The following PTPN11 variants were observed in gnomAD, a reference collection of about 807,000 sequenced individuals.
PTPN11 encodes the protein tyrosine-protein phosphatase non-receptor type 11.
A neutral mutation model predicts 78.8 loss-of-function variants in PTPN11; 6 were observed. That is an observed-to-expected ratio of 0.08 (90% CI 0.04 to 0.15). The LOEUF (loss-of-function observed/expected upper bound fraction) is 0.15. PTPN11 is among the 10% of genes least tolerant of loss of function. The pLI is 1.00. For synonymous variants in PTPN11, 221 were observed against 263.5 expected (o/e 0.84, Z 1.56); for missense variants, 386 against 744.8 (o/e 0.52, Z 5.61).
At chr12:112,453,549 A>T (rs1467153939) in intron 4 of PTPN11, among the ~76,000 whole-genome samples, 162 bp downstream of exon 4, 1 of 150,806 alleles carries the variant, frequency 6.6e-6, no homozygotes, top group African/African-American at 2.4e-5. Context: ...TCACCTACAG[A>T]TGGGGTTTCA....
At chr12:112,487,353 C>T (rs2038693467) in intron 11 of PTPN11, among the ~76,000 whole-genome samples, 1 of 152,028 alleles carries the variant, frequency 6.6e-6, no homozygotes, top group Non-Finnish European at 1.5e-5. Flanking sequence ...AGGCTGGTCT[C>T]GAACCCTTGA....
At chr12:112,444,796 A>G (rs1322529233) in intron 1 of PTPN11, among the ~76,000 whole-genome samples, 2 of 152,166 alleles carry the variant, frequency 1.3e-5, no homozygotes, top group African/African-American at 2.4e-5. Context: ...AGGATCCTGC[A>G]GTTTGTCTCC....
At chr12:112,502,007 A>C (rs113088329) in intron 13 of PTPN11, 137 bp from the exon 14 acceptor site, 3 of 697,746 alleles carry the variant, frequency 4.3e-6, no homozygotes, top group South Asian at 3.2e-5. Flanking sequence ...TGGTCAATGT[A>C]TCAGTATTCT....
chr12:112,461,430 A>G, intron 6 of PTPN11, among the ~76,000 whole-genome samples: 1 of 149,734 alleles, frequency 6.7e-6, no homozygotes, highest in Admixed American at 6.7e-5. Context: ...GGCTGAGGTG[A>G]TCCTCCTGCC....
At chr12:112,420,382 G>C (rs2037504142) in intron 1 of PTPN11, among the ~76,000 whole-genome samples, 1 of 150,710 alleles carries the variant, frequency 6.6e-6, no homozygotes, top group African/African-American at 2.4e-5. Context: ...GGCTCACTCT[G>C]TTGCCCAGGC....
intron 4 of PTPN11, among the ~76,000 whole-genome samples, chr12:112,454,027 A>G (rs1387925037): frequency 6.6e-6 from 1 of 151,982 alleles, no homozygotes; most frequent in Non-Finnish European, 1.5e-5. Flanking sequence ...TAGTTACTGT[A>G]TTAGTATATT....
At chr12:112,420,918 C>G (rs1347767656) in intron 1 of PTPN11, among the ~76,000 whole-genome samples, 1 of 152,086 alleles carries the variant, frequency 6.6e-6, no homozygotes, top group African/African-American at 2.4e-5. Context: ...AGTCATTGAG[C>G]CTTTTGTTCC....
chr12:112,509,599 C>T lies in PTPN11; in HGVS notation c.*3807C>T, dbSNP rs2038977716. On this transcript the variant is annotated 3_prime_UTR_variant, in exon 16 of 16. Coordinates refer to ENST00000351677, the MANE Select transcript of PTPN11 (RefSeq NM_002834.5). ...TTAAAAGGAATACGTTTTAGGATGT[C>T]ATCATTTTGATGTGAATCATGTAAA... 6.6e-6 allele frequency: 1 copy of T among 152,520 alleles called. No homozygotes were observed. Among genetic ancestry groups the T allele is most frequent in the Admixed American group, 6.6e-5 (1 of 15,266 alleles). 9.4% of individuals were successfully genotyped at this position (152,520 alleles called of 1,614,324 possible).
chr12:112,449,649 A>C (rs917602284), intron 2 of PTPN11, among the ~76,000 whole-genome samples: 2 of 152,238 alleles, frequency 1.3e-5, no homozygotes, highest in African/African-American at 4.8e-5. Context: ...TGATTAAAAA[A>C]CAAAATGTTT....
At chr12:112,459,726 C>T (rs751187000) in intron 6 of PTPN11, among the ~76,000 whole-genome samples, 6 of 151,962 alleles carry the variant, frequency 3.9e-5, no homozygotes, top group Middle Eastern at 3.2e-3. Flanking sequence ...ACTTGGCCTC[C>T]GAAAGTGCTG....
intron 1 of PTPN11, among the ~76,000 whole-genome samples, chr12:112,442,833 TATATATATA>T (rs2037919152): frequency 5.9e-5 from 1 of 17,002 alleles, no homozygotes; most frequent in African/African-American, 7.1e-4. Flanking sequence ...TCTCTTTTTA[TATATATATA>T]TATATATATA....
Position 112,478,025 on chromosome 12 carries a change from A to T in PTPN11, c.1092+10A>T. 1 of 1,613,976 alleles carries T rather than the reference A, an allele frequency of 6.2e-7. No homozygotes were observed. The highest frequency in any genetic ancestry group is 8.5e-7 in the Non-Finnish European group (1 of 1,179,862). Reference sequence around the variant, plus strand: ...AGTGGAGAGAGGAAAGGTAAATCACAGAAACTTCTTTTCTGCTAAACTGTT... The same window carrying T: ...AGTGGAGAGAGGAAAGGTAAATCACTGAAACTTCTTTTCTGCTAAACTGTT... On this transcript the variant is annotated intron_variant, in intron 9 of 15. Transcript: ENST00000351677.
rs558217764 is a variant in PTPN11 at position 112,446,499 on chromosome 12, G to T, written c.137+101G>T. 485 of 1,546,756 alleles carry T rather than the reference G, an allele frequency of 3.1e-4. 1 individual carries two copies. The highest frequency in any genetic ancestry group is 1.7e-3 in the South Asian group (154 of 89,192). ...TGCTGCCTGCATTTCGAGTTTGAAG[G>T]CCTTATCTGAGCCCTGGGCTGCCTT... On this transcript the variant is annotated intron_variant, in intron 2 of 15. Coordinates refer to ENST00000351677, the MANE Select transcript of PTPN11 (RefSeq NM_002834.5).
At chr12:112,498,430 G>A (rs1286430729) in intron 13 of PTPN11, among the ~76,000 whole-genome samples, 1 of 152,214 alleles carries the variant, frequency 6.6e-6, no homozygotes, top group African/African-American at 2.4e-5. Context: ...AGTCTAGGCT[G>A]CTCTGTAACC....
At chr12:112,466,559 C>T (rs2038328110) in intron 6 of PTPN11, among the ~76,000 whole-genome samples, 1 of 152,094 alleles carries the variant, frequency 6.6e-6, no homozygotes, top group Admixed American at 6.6e-5. Flanking sequence ...ACCATATTGG[C>T]CAGGCTGATC....
chr12:112,484,338 C>T (rs1246734392), intron 10 of PTPN11, among the ~76,000 whole-genome samples: 1 of 152,196 alleles, frequency 6.6e-6, no homozygotes, highest in African/African-American at 2.4e-5. Context: ...TCCAAGGACA[C>T]TTGGCTCCTA....
At chr12:112,455,322 G>A (rs1387065179) in intron 5 of PTPN11, among the ~76,000 whole-genome samples, 1 of 140,706 alleles carries the variant, frequency 7.1e-6, no homozygotes, top group Non-Finnish European at 1.5e-5. Context: ...TGCAACCTCT[G>A]CGTCCCGGGT....
chr12:112,508,604 G>A lies in PTPN11; in HGVS notation c.*2812G>A, dbSNP rs922309712. On this transcript the variant is annotated 3_prime_UTR_variant, in exon 16 of 16. Transcript: ENST00000351677. ...TGCACAATATTCCATAGCTCACTGA[G>A]GATTTTAAAATTATAAGCATAGGAT... 1 of 151,994 alleles carries A rather than the reference G, an allele frequency of 6.6e-6. No individual in the cohort carries two copies. The highest frequency in any genetic ancestry group is 1.5e-5 in the Non-Finnish European group (1 of 68,024). The allele number at this position is 151,994 out of a possible 1,614,324, so 9.4% of individuals were successfully genotyped here.
intron 4 of PTPN11, 101 bp downstream of exon 4, chr12:112,453,488 T>TTTTATTTATTTATTTA (rs141468112): frequency 6.9e-6 from 6 of 871,448 alleles, no homozygotes; most frequent in African/African-American, 3.5e-5. Flanking sequence ...TCAGATTGTC[T>TTTTATTTATTTATTTA]TTTATTTATT....
Sources: gnomAD v4.1 joint callset for allele counts (sites outside exome capture counted in the v4.1 genomes callset) on GRCh38, gnomAD v4.1.1 for gene constraint, MANE v1.5 for transcripts, NCBI Gene and HGNC (gene_info 2026-07-23, HGNC 2026-07-21) for gene names.